CIB4: variants seen among roughly 807,000 people sequenced by gnomAD.
The protein encoded by CIB4 is calcium and integrin binding family member 4, also known as calcium and integrin-binding family member 4.
In CIB4, 25 loss-of-function variants were observed where a neutral mutation model predicts 25.8. That is an observed-to-expected ratio of 0.97 (90% CI 0.71 to 1.35). The LOEUF is 1.35. Ranked by LOEUF, CIB4 falls within the 40% of genes most tolerant of loss-of-function variation. The probability of loss-of-function intolerance (pLI) is 0.00; values close to 1 mark genes in which losing one functional copy is unlikely to be tolerated. For missense variants in CIB4, 235 were observed against 228.2 expected, an observed-to-expected ratio of 1.03 and a Z score of -0.19; for synonymous variants, 75 against 81.4, an observed-to-expected ratio of 0.92 and a Z score of 0.42.
chr2:26,626,142 T>C (rs947220829), intron 3 of CIB4, among the ~76,000 whole-genome samples: 1 of 152,356 alleles, frequency 6.6e-6, no homozygotes. Context: ...TGTAGCCTTA[T>C]AGTATAGTTA....
intron 3 of CIB4, among the ~76,000 whole-genome samples, chr2:26,603,628 TAC>T (rs1668834838): frequency 1.3e-5 from 2 of 152,154 alleles, no homozygotes; most frequent in East Asian, 1.9e-4. Flanking sequence ...ATACAAAATT[TAC>T]AGTGTTTAGC....
chr2:26,587,394 A>C (rs1258366282), intron 4 of CIB4, among the ~76,000 whole-genome samples: 3 of 149,734 alleles, frequency 2.0e-5, no homozygotes, highest in African/African-American at 7.3e-5. Context: ...AGCTTTCAGC[A>C]ATCTTGGAAG....
At chr2:26,589,021 T>C (rs867657426) in intron 4 of CIB4, among the ~76,000 whole-genome samples, 594 of 29,872 alleles carry the variant, frequency 0.02, 41 homozygotes, top group Middle Eastern at 0.15. Context: ...CTTCTTCTTC[T>C]TCTTCTTCTT....
At chr2:26,616,122 G>A (rs1045510060) in intron 3 of CIB4, among the ~76,000 whole-genome samples, 2 of 152,280 alleles carry the variant, frequency 1.3e-5, no homozygotes, top group Admixed American at 6.5e-5. Context: ...TAAATGAAGC[G>A]AACAACTCCC....
At chr2:26,611,084 C>G (rs146013612) in intron 3 of CIB4, among the ~76,000 whole-genome samples, 1 of 152,192 alleles carries the variant, frequency 6.6e-6, no homozygotes, top group East Asian at 1.9e-4. Flanking sequence ...GCTGGGGTGG[C>G]CAGATGAACT....
chr2:26,624,685 G>T (rs1380492654), intron 3 of CIB4, among the ~76,000 whole-genome samples: 1 of 132,138 alleles, frequency 7.6e-6, no homozygotes, highest in Non-Finnish European at 1.5e-5. Flanking sequence ...CTCAAAAAAA[G>T]ATTTTGTTTT....
intron 3 of CIB4, among the ~76,000 whole-genome samples, chr2:26,608,897 C>T (rs748025785): frequency 2.6e-5 from 4 of 152,196 alleles, no homozygotes; most frequent in East Asian, 1.9e-4. Flanking sequence ...CTTGCTCTCT[C>T]GTCGCTCATG....
intron 3 of CIB4, among the ~76,000 whole-genome samples, chr2:26,613,058 G>T (rs1669026390): frequency 6.6e-6 from 1 of 152,188 alleles, no homozygotes; most frequent in Non-Finnish European, 1.5e-5. Flanking sequence ...AGGCCTAGGG[G>T]ACTTTCAGCA....
At chr2:26,600,374 A>T (rs755302368) in intron 3 of CIB4, among the ~76,000 whole-genome samples, 3 of 152,252 alleles carry the variant, frequency 2.0e-5, no homozygotes, top group Non-Finnish European at 2.9e-5. Flanking sequence ...ACTGCACTCC[A>T]GCTTGGGTGA....
chr2:26,602,000 A>G (rs778469079), intron 3 of CIB4, among the ~76,000 whole-genome samples: 1 of 152,166 alleles, frequency 6.6e-6, no homozygotes, highest in Non-Finnish European at 1.5e-5. Context: ...GTTCACTACA[A>G]AGGAAATTTT....
At chr2:26,591,098 C>T (rs74810643) in intron 4 of CIB4, among the ~76,000 whole-genome samples, 4,846 of 152,284 alleles carry the variant, frequency 0.032, 284 homozygotes, top group African/African-American at 0.11. Flanking sequence ...GGAAAGTCAG[C>T]GGAGGCAGAC....
At chr2:26,625,351 T>G (rs1669282399) in intron 3 of CIB4, among the ~76,000 whole-genome samples, 1 of 21,796 alleles carries the variant, frequency 4.6e-5, no homozygotes, top group Admixed American at 7.3e-4. Context: ...AGGACAGCCT[T>G]TTTTTTTTTT....
intron 3 of CIB4, among the ~76,000 whole-genome samples, chr2:26,611,706 C>A (rs148395360): frequency 2.0e-5 from 3 of 151,930 alleles, no homozygotes; most frequent in African/African-American, 7.3e-5. Flanking sequence ...TTTATAGTAA[C>A]AAATAAATAA....
chr2:26,592,899 T>C, intron 4 of CIB4, among the ~76,000 whole-genome samples: 1 of 152,246 alleles, frequency 6.6e-6, no homozygotes, highest in East Asian at 1.9e-4. Flanking sequence ...TGATGATTAA[T>C]GGTACGTGTC....
At chr2:26,592,537 C>G (rs1481203418) in intron 4 of CIB4, among the ~76,000 whole-genome samples, 8 of 152,166 alleles carry the variant, frequency 5.3e-5, no homozygotes, top group African/African-American at 1.9e-4. Context: ...CTTCAAATAT[C>G]TTTTCTGCAC....
intron 3 of CIB4, among the ~76,000 whole-genome samples, chr2:26,617,120 A>ATGTGTGTGTGTGTGTGTG (rs3220777): frequency 0.014 from 1,867 of 137,726 alleles, 13 homozygotes; most frequent in Middle Eastern, 0.022. Flanking sequence ...AGAGCATGGA[A>ATGTGTGTGTGTGTGTGTG]TGTGTGTGTG....
chr2:26,585,966 G>A (rs1668444508), intron 4 of CIB4, among the ~76,000 whole-genome samples: 1 of 152,042 alleles, frequency 6.6e-6, no homozygotes, highest in African/African-American at 2.4e-5. Context: ...CCAACCTGGA[G>A]TCACCCTTAC....
At chr2:26,606,292 G>A (rs118075688) in intron 3 of CIB4, among the ~76,000 whole-genome samples, 8 of 152,342 alleles carry the variant, frequency 5.3e-5, no homozygotes, top group Middle Eastern at 6.8e-3. Context: ...TCAAGCGCAC[G>A]CAAAGTGCTA....
At chr2:26,626,927 C>T (rs1382238658) in intron 3 of CIB4, among the ~76,000 whole-genome samples, 1 of 152,168 alleles carries the variant, frequency 6.6e-6, no homozygotes, top group African/African-American at 2.4e-5. Flanking sequence ...TCACCTCCAC[C>T]GGGTCCCTTA....
Sources: gnomAD v4.1 joint callset for allele counts (sites outside exome capture counted in the v4.1 genomes callset) on GRCh38, gnomAD v4.1.1 for gene constraint, MANE v1.5 for transcripts, NCBI Gene and HGNC (gene_info 2026-07-23, HGNC 2026-07-21) for gene names.